GUCY1A2: variants seen among roughly 807,000 people sequenced by gnomAD.
GUCY1A2 encodes the protein guanylate cyclase 1 soluble subunit alpha 2.
Under a neutral mutation model 63.5 loss-of-function variants are expected in GUCY1A2, and 27 were observed. The ratio of observed to expected loss-of-function variants is 0.43; its 90% CI spans 0.31 to 0.59. The LOEUF is 0.59. GUCY1A2 is among the 20% of genes least tolerant of loss of function. The pLI, the probability that GUCY1A2 is intolerant of heterozygous loss-of-function variation, is 0.11. For missense variants in GUCY1A2, 768 were observed against 913.3 expected (o/e 0.84, Z 2.05); for synonymous variants, 364 against 343.5 (o/e 1.06, Z -0.66).
intron 5 of GUCY1A2, among the ~76,000 whole-genome samples, chr11:106,798,550 A>T (rs1591281862): frequency 6.6e-6 from 1 of 152,244 alleles, no homozygotes; most frequent in African/African-American, 2.4e-5. Context: ...GCAGCACATC[A>T]AAAAGCTTAT....
rs533704829 is a variant in GUCY1A2, at chr11:106,814,871, A to G, written c.1207-4393T>C. 3.3e-5 allele frequency among the ~76,000 whole-genome samples: 5 copies of G among 152,192 alleles called. 1 individual carries two copies. Among genetic ancestry groups the G allele is most frequent in the African/African-American group, 1.2e-4 (5 of 41,550 alleles). ...AAACACAATACCCAAATTATCAAAA[A>G]TATAATAGAAAGTCAACCATCATAA... On this transcript the variant is annotated intron_variant, in intron 4 of 7. Transcript: ENST00000526355.
At chr11:106,942,176 T>C (rs1860760765) in intron 3 of GUCY1A2, among the ~76,000 whole-genome samples, 1 of 152,152 alleles carries the variant, frequency 6.6e-6, no homozygotes, top group South Asian at 2.1e-4. Flanking sequence ...ATACATACTG[T>C]TTTGTCCTTA....
At chr11:106,765,509 T>C (rs1391848117) in intron 6 of GUCY1A2, among the ~76,000 whole-genome samples, 1 of 152,116 alleles carries the variant, frequency 6.6e-6, no homozygotes, top group African/African-American at 2.4e-5. Context: ...TAACCAATTG[T>C]TTAGAAAATC....
At chr11:106,913,214 T>C (rs1478230290) in intron 4 of GUCY1A2, among the ~76,000 whole-genome samples, 1 of 152,144 alleles carries the variant, frequency 6.6e-6, no homozygotes, top group Non-Finnish European at 1.5e-5. Context: ...CTTAGTTCGC[T>C]TGCACTGCTA....
chr11:106,694,132 C>T (rs1354734009), intron 7 of GUCY1A2, among the ~76,000 whole-genome samples: 1 of 152,054 alleles, frequency 6.6e-6, no homozygotes, highest in Non-Finnish European at 1.5e-5. Context: ...CCAGTTTGTC[C>T]AAGTAACAAT....
At chr11:107,016,476 G>C (rs376835175) in intron 1 of GUCY1A2, among the ~76,000 whole-genome samples, 1 of 152,250 alleles carries the variant, frequency 6.6e-6, no homozygotes, top group Non-Finnish European at 1.5e-5. Flanking sequence ...TGAAATGCCT[G>C]GGCAGGAATA....
intron 6 of GUCY1A2, among the ~76,000 whole-genome samples, chr11:106,712,176 A>G (rs1591242917): frequency 6.6e-6 from 1 of 152,228 alleles, no homozygotes; most frequent in Non-Finnish European, 1.5e-5. Context: ...AATTACTTCC[A>G]AAGTCCACTG....
At chr11:106,870,882 A>G (rs551677196) in intron 4 of GUCY1A2, among the ~76,000 whole-genome samples, 8 of 152,272 alleles carry the variant, frequency 5.3e-5, no homozygotes, top group Non-Finnish European at 1.2e-4. Context: ...AGTGCTATGG[A>G]AAACTTCCCA....
Position 107,018,164 on chromosome 11 carries a change from G to T in GUCY1A2, c.-109C>A. 1.9e-6 allele frequency: 1 copy of T among 512,970 alleles called. No individual in the cohort carries two copies. The highest frequency in any genetic ancestry group is 2.8e-6 in the Non-Finnish European group (1 of 354,094). The allele number at this position is 512,970 out of a possible 1,614,324, so 31.8% of individuals were successfully genotyped here. Reference sequence around the variant, plus strand: ...CGACAACGTTAAGCGCGTCGGGGCCGCGGGGCGCTGCGGTCGCGCCCGGCG... The same window carrying T: ...CGACAACGTTAAGCGCGTCGGGGCCTCGGGGCGCTGCGGTCGCGCCCGGCG... On this transcript the variant is annotated 5_prime_UTR_variant, in exon 1 of 8. Transcript: ENST00000526355.
At chr11:106,894,912 A>G (rs1860024999) in intron 4 of GUCY1A2, among the ~76,000 whole-genome samples, 1 of 152,104 alleles carries the variant, frequency 6.6e-6, no homozygotes, top group Admixed American at 6.5e-5. Flanking sequence ...CAGAATAGAA[A>G]CCTATGAAAT....
intron 4 of GUCY1A2, among the ~76,000 whole-genome samples, chr11:106,879,102 C>A (rs917429835): frequency 2.0e-5 from 3 of 150,410 alleles, no homozygotes; most frequent in African/African-American, 7.3e-5. Flanking sequence ...GGGTTTCACA[C>A]CAGAACAGTC....
At chr11:106,957,495 C>T (rs182773725) in intron 3 of GUCY1A2, among the ~76,000 whole-genome samples, 81 of 152,086 alleles carry the variant, frequency 5.3e-4, no homozygotes, top group East Asian at 4.1e-3. Context: ...GTTTCCCTAG[C>T]GCACTCACTC....
At chr11:106,831,209 A>G (rs1859045868) in intron 4 of GUCY1A2, among the ~76,000 whole-genome samples, 1 of 152,232 alleles carries the variant, frequency 6.6e-6, no homozygotes, top group Admixed American at 6.5e-5. Context: ...CACATAAATC[A>G]TAATATCATG....
intron 4 of GUCY1A2, among the ~76,000 whole-genome samples, chr11:106,913,104 T>C (rs1198687236): frequency 7.2e-6 from 1 of 138,526 alleles, no homozygotes; most frequent in Non-Finnish European, 1.5e-5. Flanking sequence ...TTTGCTTATG[T>C]TGTGGAATTT....
intron 6 of GUCY1A2, among the ~76,000 whole-genome samples, chr11:106,752,629 T>C (rs1264781590): frequency 6.6e-6 from 1 of 152,116 alleles, no homozygotes; most frequent in East Asian, 1.9e-4. Context: ...TCCGTCCTTG[T>C]GATAGTTTGC....
intron 1 of GUCY1A2, among the ~76,000 whole-genome samples, chr11:106,998,021 T>TAA (rs553361786): frequency 2.0e-5 from 3 of 151,924 alleles, no homozygotes; most frequent in Admixed American, 1.3e-4. Flanking sequence ...CTTTAGGTGT[T>TAA]AAAAAAAACA....
At chr11:106,833,209 T>A (rs1353344923) in intron 4 of GUCY1A2, among the ~76,000 whole-genome samples, 1 of 152,096 alleles carries the variant, frequency 6.6e-6, no homozygotes, top group Non-Finnish European at 1.5e-5. Context: ...CATTGTAACT[T>A]GATTATTTCT....
At chr11:106,855,026 C>T (rs1352149014) in intron 4 of GUCY1A2, among the ~76,000 whole-genome samples, 1 of 152,200 alleles carries the variant, frequency 6.6e-6, no homozygotes, top group East Asian at 1.9e-4. Context: ...ATAAGTGGGA[C>T]TTTGGGGATG....
At chr11:106,702,030 G>A (rs543816698) in intron 7 of GUCY1A2, among the ~76,000 whole-genome samples, 5 of 152,156 alleles carry the variant, frequency 3.3e-5, no homozygotes, top group East Asian at 1.9e-4. Flanking sequence ...GGGCAGCTAC[G>A]GGTTTGAATT....
Sources: allele counts gnomAD v4.1 joint callset (sites outside exome capture counted in the v4.1 genomes callset), GRCh38; gene constraint gnomAD v4.1.1; transcripts MANE v1.5; gene names NCBI Gene and HGNC (gene_info 2026-07-23, HGNC 2026-07-21).